Variants in TRPM3 observed in about 807,000 individuals in gnomAD.
TRPM3 encodes transient receptor potential cation channel subfamily M member 3, also known as long transient receptor potential channel 3.
A neutral mutation model predicts 181.2 loss-of-function variants in TRPM3; 77 were observed. The observed-to-expected ratio is 0.42, with a 90% CI of 0.35 to 0.51. TRPM3 has a LOEUF of 0.51. Ranked by LOEUF, TRPM3 falls within the 20% of genes least tolerant of loss-of-function variation. The probability of loss-of-function intolerance (pLI) is 0.01; values close to 1 mark genes in which losing one functional copy is unlikely to be tolerated. For missense variants in TRPM3, 1,759 were observed against 2,196.7 expected (o/e 0.80, Z 3.98); for synonymous variants, 745 against 796.4 (o/e 0.94, Z 1.09).
chr9:71,427,770 C>A (rs1298139925), intron 1 of TRPM3, among the ~76,000 whole-genome samples: 1 of 152,034 alleles, frequency 6.6e-6, no homozygotes, highest in Non-Finnish European at 1.5e-5. Context: ...GAGGAGGAGG[C>A]AGGGGGCCAG....
At chr9:70,969,756 T>TTATATATATATATATATATA (rs78938143) in intron 1 of TRPM3, among the ~76,000 whole-genome samples, 950 of 125,210 alleles carry the variant, frequency 7.6e-3, no homozygotes, top group Non-Finnish European at 0.012. Flanking sequence ...CTGAATGATT[T>TTATATATATATATATATATA]TATATATATA....
chr9:70,625,275 C>T lies in TRPM3; in HGVS notation c.1725G>A (p.Glu575=), dbSNP rs2064356916. 1 of 1,614,196 alleles carries T rather than the reference C, an allele frequency of 6.2e-7. No individual in the cohort carries two copies. Among genetic ancestry groups the T allele is most frequent in the Non-Finnish European group, 8.5e-7 (1 of 1,180,044 alleles). The change falls in exon 14 of 26, where the codon GAG becomes GAA. Residue 575 remains glutamate, a synonymous_variant. Transcript: ENST00000677713. This position sits in a 1 kb window ranked among gnomAD's most constrained non-coding sequence, Gnocchi z 4.8. ...ISLIDIGLVI[E]YLMGGAYRCN... is the part of the protein sequence containing the mutation. ...AGCGATAAGCCCCGCCCATCAGGTA[C>T]TCGATCACCAGGCCGATGTCAATCA...
chr9:70,873,905 A>C (rs796693045), intron 1 of TRPM3, among the ~76,000 whole-genome samples: 1 of 151,828 alleles, frequency 6.6e-6, no homozygotes, highest in African/African-American at 2.4e-5. Context: ...TTTTATCATT[A>C]TTTGGGGGGT....
intron 12 of TRPM3, among the ~76,000 whole-genome samples, chr9:70,626,887 TCATTAAACCTATAGCTTTA>T (rs1248315852): frequency 3.3e-5 from 5 of 152,316 alleles, no homozygotes; most frequent in Non-Finnish European, 5.9e-5. Context: ...CTGCATCCTA[TCATTAAACCTATAGCTTTA>T]CATGTTTCTT....
intron 1 of TRPM3, among the ~76,000 whole-genome samples, chr9:71,214,514 C>A (rs2131816955): frequency 6.6e-6 from 1 of 152,266 alleles, no homozygotes; most frequent in Admixed American, 6.5e-5. Flanking sequence ...ACCAACTGCT[C>A]TAGACACACT....
chr9:71,196,245 C>G (rs1440752861), intron 1 of TRPM3, among the ~76,000 whole-genome samples: 1 of 151,302 alleles, frequency 6.6e-6, no homozygotes, highest in East Asian at 1.9e-4. Context: ...TTCCCAACCT[C>G]TGGGTCTTAA....
At chr9:70,827,533 C>A (rs2093629854) in intron 6 of TRPM3, 1 of 189,488 alleles carries the variant, frequency 5.3e-6, no homozygotes, top group Non-Finnish European at 1.1e-5. Context: ...AACTTTTCTC[C>A]TTGGAGTACC....
intron 1 of TRPM3, among the ~76,000 whole-genome samples, chr9:71,103,122 T>C (rs1397153941): frequency 3.3e-5 from 5 of 152,186 alleles, no homozygotes; most frequent in Non-Finnish European, 7.3e-5. Flanking sequence ...ATAAATAAAA[T>C]GGATAGTCAC....
At chr9:70,989,694 A>G (rs920187732) in intron 1 of TRPM3, among the ~76,000 whole-genome samples, 6 of 152,160 alleles carry the variant, frequency 3.9e-5, no homozygotes, top group Admixed American at 1.3e-4. Flanking sequence ...GTAAATCCCA[A>G]TGGGTTTGGA....
chr9:71,224,989 A>C (rs752946183), intron 1 of TRPM3, among the ~76,000 whole-genome samples: 6 of 152,144 alleles, frequency 3.9e-5, no homozygotes, highest in Non-Finnish European at 7.4e-5. Context: ...GAACCAATCT[A>C]AGAGTTATTG....
At chr9:71,261,143 T>A (rs1441957721) in intron 1 of TRPM3, among the ~76,000 whole-genome samples, 1 of 152,244 alleles carries the variant, frequency 6.6e-6, no homozygotes, top group African/African-American at 2.4e-5. Context: ...AGTAAATCAA[T>A]CAAACCTATG....
chr9:70,824,035 T>G (rs1219631048), intron 6 of TRPM3, among the ~76,000 whole-genome samples: 1 of 152,196 alleles, frequency 6.6e-6, no homozygotes, highest in Non-Finnish European at 1.5e-5. Context: ...GAGTATGTTT[T>G]CAGTGATCAT....
intron 1 of TRPM3, among the ~76,000 whole-genome samples, chr9:71,079,481 A>G (rs2063921123): frequency 6.6e-6 from 1 of 152,198 alleles, no homozygotes; most frequent in Non-Finnish European, 1.5e-5. Context: ...TCAAATTACC[A>G]GTGACTTCCA....
chr9:70,668,558 G>A (rs981356259), intron 9 of TRPM3, among the ~76,000 whole-genome samples: 2 of 151,712 alleles, frequency 1.3e-5, no homozygotes, highest in African/African-American at 2.4e-5. Context: ...CCAGCTACGC[G>A]GGAGGCTGAG....
intron 1 of TRPM3, among the ~76,000 whole-genome samples, chr9:71,308,474 C>A (rs2087597519): frequency 6.6e-6 from 1 of 152,072 alleles, no homozygotes; most frequent in Middle Eastern, 3.2e-3. Context: ...CAGGCAGAAT[C>A]TAGTTGTCAT....
At position 70,899,171 on chromosome 9, in the gene TRPM3, G is replaced by A. The variant is rs540589406; in HGVS notation, c.178-34660C>T. Reference sequence around the variant, plus strand: ...CCAATAGGGTAAACCGAAATTTAGAGGGAAAGAGAGATTTCAGTTTATAGA... The same window carrying A: ...CCAATAGGGTAAACCGAAATTTAGAAGGAAAGAGAGATTTCAGTTTATAGA... On this transcript the variant is annotated intron_variant, in intron 1 of 25. Transcript: ENST00000677713. 3.5e-4 allele frequency among the ~76,000 whole-genome samples: 54 copies of A among 152,248 alleles called. 1 individual carries two copies. The highest frequency in any genetic ancestry group is 1.3e-3 in the African/African-American group (53 of 41,528).
intron 1 of TRPM3, among the ~76,000 whole-genome samples, chr9:71,304,654 A>C (rs1333408995): frequency 6.6e-6 from 1 of 152,196 alleles, no homozygotes. Flanking sequence ...AATGGAAAAT[A>C]AAGTACTAAA....
At chr9:71,003,585 C>T (rs917217184) in intron 1 of TRPM3, among the ~76,000 whole-genome samples, 1 of 152,116 alleles carries the variant, frequency 6.6e-6, no homozygotes, top group African/African-American at 2.4e-5. Context: ...TTCTCCACAA[C>T]CTTGCTAATA....
chr9:70,984,414 G>A (rs1282462493), intron 1 of TRPM3, among the ~76,000 whole-genome samples: 1 of 152,186 alleles, frequency 6.6e-6, no homozygotes, highest in Non-Finnish European at 1.5e-5. Flanking sequence ...GAGGCAGGAG[G>A]TTCTGCTGAG....
Sources: allele counts gnomAD v4.1 joint callset (sites outside exome capture counted in the v4.1 genomes callset), GRCh38; gene constraint gnomAD v4.1.1; non-coding constraint Gnocchi (gnomAD v3.1); transcripts MANE v1.5; gene names NCBI Gene and HGNC (gene_info 2026-07-23, HGNC 2026-07-21).